The following PCGF5 variants were observed in gnomAD, a reference collection of about 807,000 sequenced individuals.
PCGF5 encodes the protein polycomb group RING finger protein 5.
A neutral mutation model predicts 44.3 loss-of-function variants in PCGF5; 9 were observed. The observed-to-expected ratio is 0.20, with a 90% CI of 0.12 to 0.35. The LOEUF (loss-of-function observed/expected upper bound fraction) is 0.35. Ranked by LOEUF, PCGF5 falls within the 10% of genes least tolerant of loss-of-function variation. The pLI is 1.00. For missense variants in PCGF5, 146 were observed against 305.3 expected, an observed-to-expected ratio of 0.48 and a Z score of 3.89; for synonymous variants, 95 against 102.5, an observed-to-expected ratio of 0.93 and a Z score of 0.44.
intron 2 of PCGF5, among the ~76,000 whole-genome samples, chr10:91,235,949 A>C (rs1021981747): frequency 6.6e-6 from 1 of 151,848 alleles, no homozygotes; most frequent in African/African-American, 2.4e-5. Context: ...ACAGTGGCCC[A>C]TGCCTGTAGT....
At chr10:91,260,652 C>G (rs1040441924) in intron 6 of PCGF5, among the ~76,000 whole-genome samples, 2 of 152,084 alleles carry the variant, frequency 1.3e-5, no homozygotes, top group African/African-American at 2.4e-5. Context: ...GTGTTCGTGT[C>G]CTTTGTAGGG....
At chr10:91,181,883 A>G (rs1312635010) in intron 1 of PCGF5, among the ~76,000 whole-genome samples, 1 of 152,198 alleles carries the variant, frequency 6.6e-6, no homozygotes, top group Non-Finnish European at 1.5e-5. Context: ...GCCTCATAGA[A>G]TGAATTAGGG....
chr10:91,187,925 T>G (rs1843956255), intron 1 of PCGF5, among the ~76,000 whole-genome samples: 1 of 152,154 alleles, frequency 6.6e-6, no homozygotes, highest in Non-Finnish European at 1.5e-5. Flanking sequence ...GTTCTTTCCA[T>G]GCTAATGGCA....
At chr10:91,255,451 C>T (rs1034127514) in intron 6 of PCGF5, among the ~76,000 whole-genome samples, 31 of 152,088 alleles carry the variant, frequency 2.0e-4, no homozygotes, top group Admixed American at 1.1e-3. Flanking sequence ...GTGGTCTGCA[C>T]GAGTAGGAAG....
intron 2 of PCGF5, among the ~76,000 whole-genome samples, chr10:91,226,927 T>A (rs537026040): frequency 1.7e-4 from 26 of 152,246 alleles, no homozygotes; most frequent in African/African-American, 5.8e-4. Context: ...ATAAAATTTT[T>A]AAATGAGTTA....
intron 1 of PCGF5, among the ~76,000 whole-genome samples, chr10:91,181,140 C>T (rs1021078777): frequency 2.0e-5 from 3 of 152,038 alleles, no homozygotes; most frequent in African/African-American, 4.8e-5. Context: ...TGATTTGGCT[C>T]TTGGCCTGAC....
Position 91,280,823 on chromosome 10 carries a change from G to T in PCGF5, c.*2507G>T, listed in dbSNP as rs963248045. 2 of 152,184 alleles carry T rather than the reference G, an allele frequency of 1.3e-5. No homozygotes were observed. Among genetic ancestry groups the T allele is most frequent in the Non-Finnish European group, 2.9e-5 (2 of 67,878 alleles). 9.4% of individuals were successfully genotyped at this position (152,184 alleles called of 1,614,324 possible). A position where few individuals can be genotyped will look rare whatever the true frequency, so the allele number is the denominator to read the frequency against. ...AAAAAATGTACAGGCAACTTTTGTG[G>T]TTAGCTTTATAAATTTAGGGTGCTT... On this transcript the variant is annotated 3_prime_UTR_variant, in exon 10 of 10. Coordinates refer to ENST00000336126, the MANE Select transcript of PCGF5 (RefSeq NM_032373.5).
chr10:91,208,397 A>G (rs1844385077), intron 1 of PCGF5, among the ~76,000 whole-genome samples: 1 of 152,104 alleles, frequency 6.6e-6, no homozygotes, highest in Non-Finnish European at 1.5e-5. Flanking sequence ...GGAGTAAGAG[A>G]CATTTTTAGT....
At chr10:91,195,071 AGAGT>A (rs911784990) in intron 1 of PCGF5, among the ~76,000 whole-genome samples, 2 of 152,128 alleles carry the variant, frequency 1.3e-5, no homozygotes, top group African/African-American at 4.8e-5. Context: ...GAAGCAGCTG[AGAGT>A]GAGGATGGGG....
chr10:91,241,544 C>G (rs576299339), intron 3 of PCGF5, among the ~76,000 whole-genome samples: 3 of 152,214 alleles, frequency 2.0e-5, no homozygotes, highest in African/African-American at 4.8e-5. Context: ...ATTTTCATTT[C>G]ATTGTTCCCA....
chr10:91,252,013 A>G (rs2648718), intron 6 of PCGF5, among the ~76,000 whole-genome samples: 1 of 151,870 alleles, frequency 6.6e-6, no homozygotes, highest in South Asian at 2.1e-4. Flanking sequence ...CTGCTAATTG[A>G]ATCTTTCCTT....
intron 1 of PCGF5, among the ~76,000 whole-genome samples, chr10:91,208,464 T>TCAC (rs1488882286): frequency 4.6e-5 from 7 of 152,152 alleles, no homozygotes; most frequent in African/African-American, 1.7e-4. Context: ...GGGCCCAGAT[T>TCAC]CTGCATTCCT....
chr10:91,272,972 C>G (rs1475224043), intron 9 of PCGF5, among the ~76,000 whole-genome samples: 2 of 152,176 alleles, frequency 1.3e-5, no homozygotes, highest in East Asian at 3.8e-4. Context: ...TTAAAAGAAT[C>G]ACTTGAAATT....
chr10:91,195,611 T>C (rs1187798009), intron 1 of PCGF5, among the ~76,000 whole-genome samples: 1 of 149,264 alleles, frequency 6.7e-6, no homozygotes, highest in Non-Finnish European at 1.5e-5. Flanking sequence ...ATTTTTTAAT[T>C]TTTTTGTAGA....
chr10:91,157,301 C>A, the PCGF5 span, among the ~76,000 whole-genome samples: 1 of 152,022 alleles, frequency 6.6e-6, no homozygotes, highest in Non-Finnish European at 1.5e-5. Context: ...TTAAATGTGC[C>A]CAAGATCACA....
intron 9 of PCGF5, among the ~76,000 whole-genome samples, chr10:91,275,887 T>A (rs1362184947): frequency 1.3e-5 from 2 of 152,168 alleles, no homozygotes; most frequent in Admixed American, 1.3e-4. Flanking sequence ...GGGTTAAGAT[T>A]AAGTTATAAT....
At chr10:91,214,802 A>G (rs1844513075) in intron 1 of PCGF5, among the ~76,000 whole-genome samples, 1 of 152,244 alleles carries the variant, frequency 6.6e-6, no homozygotes, top group Non-Finnish European at 1.5e-5. Flanking sequence ...AAATGGATCC[A>G]GAGAAAGGTT....
chr10:91,251,678 T>G (rs902661975), intron 6 of PCGF5, among the ~76,000 whole-genome samples: 3 of 152,016 alleles, frequency 2.0e-5, no homozygotes, highest in African/African-American at 7.2e-5. Context: ...CACCTCTGTT[T>G]CTCCTTTTAT....
rs187396151 is a variant in PCGF5, at chr10:91,171,052, G to C, written c.-184+7971G>C. The stretch of plus-strand genomic sequence containing the variant: ...CATTCTGGGCAAGCAAAACCATAGA[G>C]TAAAAAGATCAGTGGTTGCCAAGGG... On this transcript the variant is annotated intron_variant, in intron 1 of 9. Coordinates refer to the PCGF5 transcript ENST00000614189. Among the ~76,000 whole-genome samples, 590 of 152,294 alleles carry C rather than the reference G, an allele frequency of 3.9e-3. 1 individual carries two copies. Among genetic ancestry groups the C allele is most frequent in the Non-Finnish European group, 5.9e-3 (402 of 68,012 alleles).
Sources: allele counts gnomAD v4.1 joint callset (sites outside exome capture counted in the v4.1 genomes callset), GRCh38; gene constraint gnomAD v4.1.1; transcripts MANE v1.5; gene names NCBI Gene and HGNC (gene_info 2026-07-23, HGNC 2026-07-21).